The following ROBO2 variants were observed in gnomAD, a reference collection of about 807,000 sequenced individuals.
ROBO2 encodes the protein roundabout homolog 2.
A neutral mutation model predicts 160.8 loss-of-function variants in ROBO2; 53 were observed. That is an observed-to-expected ratio of 0.33 (90% CI 0.26 to 0.41). ROBO2 has a LOEUF of 0.41. Among genes scored for constraint, ROBO2 ranks in the 10% least tolerant of loss-of-function variants. ROBO2 has a pLI of 1.00. For synonymous variants in ROBO2, 664 were observed against 611.7 expected, an observed-to-expected ratio of 1.09 and a Z score of -1.26; for missense variants, 1,577 against 1,722.4, an observed-to-expected ratio of 0.92 and a Z score of 1.49.
intron 2 of ROBO2, among the ~76,000 whole-genome samples, chr3:77,253,644 A>G (rs1486581013): frequency 6.6e-6 from 1 of 152,138 alleles, no homozygotes; most frequent in African/African-American, 2.4e-5. Flanking sequence ...AAATCATGAA[A>G]AGCACAATTA....
intron 2 of ROBO2, among the ~76,000 whole-genome samples, chr3:76,884,153 G>C (rs780057807): frequency 5.9e-5 from 9 of 152,094 alleles, no homozygotes; most frequent in Non-Finnish European, 8.8e-5. Flanking sequence ...TAGAAGTTAA[G>C]TTTAAATTTG....
intron 2 of ROBO2, among the ~76,000 whole-genome samples, chr3:75,992,760 G>T (rs1333367542): frequency 6.6e-6 from 1 of 152,192 alleles, no homozygotes; most frequent in Non-Finnish European, 1.5e-5. Flanking sequence ...CCAGATGATG[G>T]GCTAAACCCT....
chr3:76,993,589 C>G (rs899189262), intron 2 of ROBO2, among the ~76,000 whole-genome samples: 1 of 152,068 alleles, frequency 6.6e-6, no homozygotes, highest in South Asian at 2.1e-4. Flanking sequence ...GGCTTTCAGT[C>G]ACTCATAGGT....
chr3:77,291,501 A>T (rs1361984575), intron 2 of ROBO2, among the ~76,000 whole-genome samples: 1 of 151,626 alleles, frequency 6.6e-6, no homozygotes, highest in Admixed American at 6.6e-5. Flanking sequence ...CCCCAGACAT[A>T]AAGTAAAATT....
intron 2 of ROBO2, among the ~76,000 whole-genome samples, chr3:77,354,398 T>A (rs2068768877): frequency 6.6e-6 from 1 of 152,190 alleles, no homozygotes; most frequent in South Asian, 2.1e-4. Context: ...TTTGCCTTGA[T>A]GCACTTGTTG....
chr3:76,304,503 T>G (rs2071224294), intron 2 of ROBO2, among the ~76,000 whole-genome samples: 1 of 152,212 alleles, frequency 6.6e-6, no homozygotes, highest in Non-Finnish European at 1.5e-5. Flanking sequence ...GCTAATTTAC[T>G]ACTGTCTCTT....
chr3:76,192,739 G>C (rs930516415), intron 2 of ROBO2, among the ~76,000 whole-genome samples: 3 of 151,934 alleles, frequency 2.0e-5, no homozygotes, highest in African/African-American at 7.3e-5. Context: ...GTACCATCCT[G>C]TCACTATTCA....
chr3:76,164,573 T>A (rs557093237), intron 2 of ROBO2, among the ~76,000 whole-genome samples: 1 of 152,278 alleles, frequency 6.6e-6, no homozygotes, highest in Admixed American at 6.5e-5. Context: ...ACATCTTTGT[T>A]AGAGTTCTTG....
intron 2 of ROBO2, among the ~76,000 whole-genome samples, chr3:76,294,980 A>G (rs998081060): frequency 6.6e-6 from 1 of 152,192 alleles, no homozygotes; most frequent in Non-Finnish European, 1.5e-5. Flanking sequence ...GCTGAGGGTC[A>G]GAAGTGGTGA....
At chr3:77,370,853 G>A (rs1245987510) in intron 2 of ROBO2, among the ~76,000 whole-genome samples, 1 of 152,092 alleles carries the variant, frequency 6.6e-6, no homozygotes, top group South Asian at 2.1e-4. Context: ...ACAAGAGACC[G>A]CATTACCCAC....
At chr3:76,122,501 A>G (rs1190088418) in intron 2 of ROBO2, among the ~76,000 whole-genome samples, 1 of 152,108 alleles carries the variant, frequency 6.6e-6, no homozygotes, top group Non-Finnish European at 1.5e-5. Context: ...AGAAAGATGC[A>G]TTTTTTGAAT....
chr3:77,522,980 A>C (rs2090769121), intron 6 of ROBO2, 78 bp downstream of exon 6: 3 of 1,527,488 alleles, frequency 2.0e-6, no homozygotes, highest in Non-Finnish European at 2.7e-6. Context: ...ACTTACGATC[A>C]AAATAATGAA....
chr3:76,880,522 A>G (rs995676919), intron 2 of ROBO2, among the ~76,000 whole-genome samples: 2 of 152,174 alleles, frequency 1.3e-5, no homozygotes, highest in African/African-American at 2.4e-5. Context: ...CTTTAAATAT[A>G]AAACATTTCA....
intron 2 of ROBO2, among the ~76,000 whole-genome samples, chr3:77,471,945 G>C (rs1401576476): frequency 6.6e-6 from 1 of 152,136 alleles, no homozygotes; most frequent in East Asian, 1.9e-4. Context: ...TGGTTAATGA[G>C]ATATCTGAGA....
intron 2 of ROBO2, among the ~76,000 whole-genome samples, chr3:76,838,075 C>T (rs969374334): frequency 1.3e-5 from 2 of 152,066 alleles, no homozygotes; most frequent in African/African-American, 4.8e-5. Flanking sequence ...GATATCATGT[C>T]TTTTACGGGA....
chr3:77,498,475 G>C (rs1230922408), intron 5 of ROBO2, among the ~76,000 whole-genome samples: 3 of 152,114 alleles, frequency 2.0e-5, no homozygotes, highest in African/African-American at 7.2e-5. Flanking sequence ...TTAACCCACT[G>C]ACAAAATTTC....
At chr3:76,232,088 G>T (rs956058450) in intron 2 of ROBO2, among the ~76,000 whole-genome samples, 1 of 152,086 alleles carries the variant, frequency 6.6e-6, no homozygotes, top group East Asian at 1.9e-4. Context: ...AGTCAGTCAG[G>T]TTGTGATCTG....
chr3:76,115,960 A>C (rs1326456570), intron 2 of ROBO2, among the ~76,000 whole-genome samples: 1 of 152,158 alleles, frequency 6.6e-6, no homozygotes, highest in Non-Finnish European at 1.5e-5. Flanking sequence ...AATTTAATGC[A>C]GACATTTTAA....
At chr3:76,743,803 AT>A (rs1301240052) in intron 2 of ROBO2, among the ~76,000 whole-genome samples, 1 of 151,894 alleles carries the variant, frequency 6.6e-6, no homozygotes, top group Non-Finnish European at 1.5e-5. Flanking sequence ...ATTTAATATA[AT>A]TAATTAAAAT....
Sources: gnomAD v4.1 joint callset for allele counts (sites outside exome capture counted in the v4.1 genomes callset) on GRCh38, gnomAD v4.1.1 for gene constraint, MANE v1.5 for transcripts, NCBI Gene and HGNC (gene_info 2026-07-23, HGNC 2026-07-21) for gene names.